The following ATP8B4 variants were observed in gnomAD, a reference collection of about 807,000 sequenced individuals.
The protein encoded by ATP8B4 is ATPase phospholipid transporting 8B4 (putative).
In ATP8B4, 133 loss-of-function variants were observed where a neutral mutation model predicts 145.6. The observed-to-expected ratio is 0.91, with a 90% CI of 0.79 to 1.05. The LOEUF (loss-of-function observed/expected upper bound fraction) is 1.05. ATP8B4 is among the 50% of genes least tolerant of loss of function. The probability of loss-of-function intolerance (pLI) is 0.00; values close to 1 mark genes in which losing one functional copy is unlikely to be tolerated. For synonymous variants in ATP8B4, 507 were observed against 492.9 expected (o/e 1.03, Z -0.38); for missense variants, 1,458 against 1,425.2 (o/e 1.02, Z -0.37).
At chr15:49,886,405 G>C (rs980751393) in intron 23 of ATP8B4, among the ~76,000 whole-genome samples, 1 of 152,322 alleles carries the variant, frequency 6.6e-6, no homozygotes, top group East Asian at 1.9e-4. Context: ...AAGGAAGAAA[G>C]GAGGGAGGAT....
intron 6 of ATP8B4, among the ~76,000 whole-genome samples, chr15:50,038,165 C>A (rs1399646390): frequency 6.6e-6 from 1 of 152,002 alleles, no homozygotes; most frequent in Non-Finnish European, 1.5e-5. Context: ...TTAAAATTAC[C>A]CCTGCTAAGT....
chr15:49,968,529 G>C (rs546381175), intron 13 of ATP8B4, among the ~76,000 whole-genome samples: 1 of 152,142 alleles, frequency 6.6e-6, no homozygotes, highest in Non-Finnish European at 1.5e-5. Flanking sequence ...GACAAAGAAG[G>C]GCATTACATA....
intron 23 of ATP8B4, chr15:49,885,973 C>G (rs185601084): frequency 7.2e-5 from 11 of 152,194 alleles, no homozygotes; most frequent in Non-Finnish European, 1.6e-4. Flanking sequence ...TTCCAGGAAG[C>G]CTTTCTGAGT....
At chr15:50,163,338 T>G (rs770568170) in intron 1 of ATP8B4, among the ~76,000 whole-genome samples, 1 of 152,264 alleles carries the variant, frequency 6.6e-6, no homozygotes, top group African/African-American at 2.4e-5. Context: ...TATATCTGCA[T>G]TGGGGGCACC....
At chr15:50,157,680 T>G (rs1355858650) in intron 1 of ATP8B4, among the ~76,000 whole-genome samples, 1 of 152,218 alleles carries the variant, frequency 6.6e-6, no homozygotes, top group African/African-American at 2.4e-5. Flanking sequence ...GAGATTGCAC[T>G]GAATCTGTAG....
rs917608282 is a variant in ATP8B4, at chr15:50,042,456, T to C, written c.300+2138A>G. Among the ~76,000 whole-genome samples the C allele has an allele frequency of 5.9e-5, 9 of 152,262 alleles. No homozygotes were observed. In the South Asian group the frequency reaches 8.3e-4, roughly 14 times the overall value. On this transcript the variant is annotated intron_variant, in intron 5 of 27. Coordinates refer to ENST00000284509, the MANE Select transcript of ATP8B4 (RefSeq NM_024837.4). ...CATACTCAACTACTCTTAGCAGGGGTGAGTTCCCACTTTCTCCATAATATC... is the reference window on the plus strand; with the variant it reads ...CATACTCAACTACTCTTAGCAGGGGCGAGTTCCCACTTTCTCCATAATATC...
intron 16 of ATP8B4, among the ~76,000 whole-genome samples, 184 bp from the exon 17 acceptor site, chr15:49,923,678 T>G (rs2040461680): frequency 6.6e-6 from 1 of 152,188 alleles, no homozygotes; most frequent in Non-Finnish European, 1.5e-5. Flanking sequence ...TTTATTAACT[T>G]AAGAAATGCT....
intron 20 of ATP8B4, among the ~76,000 whole-genome samples, chr15:49,904,386 C>G (rs765044752): frequency 2.0e-5 from 3 of 152,130 alleles, no homozygotes; most frequent in Non-Finnish European, 4.4e-5. Flanking sequence ...ATGGGACCAG[C>G]CAGTCAGTTT....
intron 23 of ATP8B4, among the ~76,000 whole-genome samples, chr15:49,893,766 A>C (rs74875164): frequency 0.01 from 1,559 of 152,360 alleles, 32 homozygotes; most frequent in African/African-American, 0.036. Flanking sequence ...TCTACACTTA[A>C]AAGTAGTTAA....
chr15:50,022,564 A>G (rs761511397), intron 6 of ATP8B4, among the ~76,000 whole-genome samples: 5 of 152,262 alleles, frequency 3.3e-5, no homozygotes, highest in Non-Finnish European at 5.9e-5. Context: ...GACCCCAACA[A>G]AATTGGCTGT....
chr15:50,023,946 G>A (rs2049810657), intron 6 of ATP8B4, among the ~76,000 whole-genome samples: 2 of 152,046 alleles, frequency 1.3e-5, no homozygotes, highest in Non-Finnish European at 1.5e-5. Context: ...CTGATGGGGT[G>A]CAAATTAAGG....
chr15:50,160,012 T>C (rs1276685452), intron 1 of ATP8B4, among the ~76,000 whole-genome samples: 2 of 128,342 alleles, frequency 1.6e-5, no homozygotes, highest in African/African-American at 5.5e-5. Flanking sequence ...CATCAGGTCC[T>C]GGCTTTTTTT....
chr15:49,941,724 A>G (rs1338559082), intron 14 of ATP8B4, among the ~76,000 whole-genome samples: 1 of 152,206 alleles, frequency 6.6e-6, no homozygotes, highest in Non-Finnish European at 1.5e-5. Context: ...CATCATATAA[A>G]AAGACACCTG....
chr15:50,177,091 C>T (rs1549520), intron 1 of ATP8B4, among the ~76,000 whole-genome samples: 1 of 152,004 alleles, frequency 6.6e-6, no homozygotes, highest in African/African-American at 2.4e-5. Context: ...CTTATGGCAA[C>T]AACAGTCAGA....
At chr15:50,162,211 T>A (rs891391618) in intron 1 of ATP8B4, among the ~76,000 whole-genome samples, 2 of 152,050 alleles carry the variant, frequency 1.3e-5, no homozygotes, top group African/African-American at 4.8e-5. Context: ...CCTTTCTTTA[T>A]CCTTGACCTT....
At chr15:50,142,394 G>T (rs1262064997) in intron 1 of ATP8B4, among the ~76,000 whole-genome samples, 1 of 151,956 alleles carries the variant, frequency 6.6e-6, no homozygotes, top group Non-Finnish European at 1.5e-5. Context: ...CACCATCAAG[G>T]TCAAGAAACA....
chr15:50,141,619 T>A (rs1033144970), intron 1 of ATP8B4, among the ~76,000 whole-genome samples: 1 of 152,152 alleles, frequency 6.6e-6, no homozygotes, highest in African/African-American at 2.4e-5. Context: ...ACAGGTGATT[T>A]ATACACACAT....
intron 25 of ATP8B4, 38 bp from the exon 26 acceptor site, chr15:49,866,522 G>A (rs1385132027): frequency 1.2e-6 from 2 of 1,604,614 alleles, no homozygotes; most frequent in South Asian, 2.2e-5. Flanking sequence ...AGGTCTTTGA[G>A]GATTAAAACA....
chr15:49,872,579 C>T (rs1022116660), intron 25 of ATP8B4, among the ~76,000 whole-genome samples: 8 of 152,200 alleles, frequency 5.3e-5, no homozygotes, highest in African/African-American at 1.9e-4. Flanking sequence ...AAGAACACAT[C>T]ACTCTTTGTG....
Sources: gnomAD v4.1 joint callset for allele counts (sites outside exome capture counted in the v4.1 genomes callset) on GRCh38, gnomAD v4.1.1 for gene constraint, MANE v1.5 for transcripts, NCBI Gene and HGNC (gene_info 2026-07-23, HGNC 2026-07-21) for gene names.